The following ZFHX3 variants were observed in gnomAD, a reference collection of about 807,000 sequenced individuals.
ZFHX3 encodes the protein zinc finger homeobox protein 3.
Under a neutral mutation model 279.1 loss-of-function variants are expected in ZFHX3, and 42 were observed. The observed-to-expected ratio is 0.15, with a 90% confidence interval of 0.12 to 0.19. The LOEUF (loss-of-function observed/expected upper bound fraction) is 0.19, where lower values mean the gene tolerates loss of function less well. ZFHX3 is among the 10% of genes least tolerant of loss of function. The probability of loss-of-function intolerance (pLI) is 1.00; values close to 1 mark genes in which losing one functional copy is unlikely to be tolerated. For missense variants in ZFHX3, 4,981 were observed against 4,754.0 expected, an observed-to-expected ratio of 1.05 and a Z score of -1.40; for synonymous variants, 2,293 against 1,957.8, an observed-to-expected ratio of 1.17 and a Z score of -4.52.
chr16:73,019,238 C>T (rs145332073), intron 1 of ZFHX3, among the ~76,000 whole-genome samples: 15 of 152,298 alleles, frequency 9.8e-5, no homozygotes, highest in African/African-American at 3.4e-4. Flanking sequence ...GGACGTGAGC[C>T]TCACTCCCAC....
intron 2 of ZFHX3, among the ~76,000 whole-genome samples, chr16:73,623,529 G>A (rs951928363): frequency 6.6e-6 from 1 of 152,112 alleles, no homozygotes; most frequent in Admixed American, 6.5e-5. Flanking sequence ...TAAAATTCCA[G>A]AAAAATACAT....
chr16:73,713,032 TG>T (rs1311618247), intron 1 of ZFHX3, among the ~76,000 whole-genome samples: 4 of 152,222 alleles, frequency 2.6e-5, no homozygotes, highest in African/African-American at 9.6e-5. Flanking sequence ...TCTCCAGCTC[TG>T]GAACCTGGAG....
chr16:72,787,036 T>TTTG lies in ZFHX3; in HGVS notation c.*127_*128insCAA. On this transcript the variant is annotated 3_prime_UTR_variant, in exon 10 of 10. Coordinates refer to ENST00000268489, the MANE Select transcript of ZFHX3 (RefSeq NM_006885.4). ...AAAACAACCCACGCTTTTTCTTTTT[T>TTTG]TTCTTTTTTTTTTTTTTTTTGTTTT... 1 of 1,112,846 alleles carries TTTG rather than the reference T, an allele frequency of 9.0e-7. No homozygotes were observed. The highest frequency in any genetic ancestry group is 1.2e-6 in the Non-Finnish European group (1 of 862,138). The allele number at this position is 1,112,846 out of a possible 1,614,324, so 68.9% of individuals were successfully genotyped here. A position where few individuals can be genotyped will look rare whatever the true frequency, so the allele number is the denominator to read the frequency against.
At chr16:73,060,365 T>C (rs374833386), upstream of ZFHX3, 81 of 152,244 alleles carry the variant, frequency 5.3e-4, 2 homozygotes, top group East Asian at 0.015. Context: ...AGGAGATCCC[T>C]GGAATCAAAG....
intron 2 of ZFHX3, among the ~76,000 whole-genome samples, chr16:73,525,921 G>T (rs138936423): frequency 6.6e-6 from 1 of 152,124 alleles, no homozygotes; most frequent in African/African-American, 2.4e-5. Context: ...CCAGACACAC[G>T]ATTTACCCCA....
At chr16:73,389,857 C>A (rs1455976973) in intron 3 of ZFHX3, among the ~76,000 whole-genome samples, 1 of 152,086 alleles carries the variant, frequency 6.6e-6, no homozygotes, top group South Asian at 2.1e-4. Context: ...GTCAGGAGTT[C>A]GAGACCAGCC....
At chr16:73,460,524 G>C (rs1381861399) in intron 2 of ZFHX3, among the ~76,000 whole-genome samples, 1 of 152,098 alleles carries the variant, frequency 6.6e-6, no homozygotes, top group African/African-American at 2.4e-5. Context: ...GTAATTGCTT[G>C]TTGTTGTTGT....
At position 73,719,966 on chromosome 16, in the gene ZFHX3, C is replaced by T. The variant is rs535970829; in HGVS notation, c.-1607-39726G>A. ...TCACGGCTATCTTCCACTACAAGAACAGTACTTGTTACCTACAAGCCATGT... is the reference window on the plus strand; with the variant it reads ...TCACGGCTATCTTCCACTACAAGAATAGTACTTGTTACCTACAAGCCATGT... On this transcript the variant is annotated intron_variant, in intron 1 of 17. Coordinates refer to the ZFHX3 transcript ENST00000641206. Among the ~76,000 whole-genome samples, 3 of 152,308 alleles carry T rather than the reference C, an allele frequency of 2.0e-5. No individual in the cohort carries two copies. In the South Asian group the frequency reaches 6.2e-4, roughly 32 times the overall value.
chr16:73,372,475 G>T (rs1373639897), intron 3 of ZFHX3, among the ~76,000 whole-genome samples: 2 of 152,064 alleles, frequency 1.3e-5, no homozygotes, highest in African/African-American at 4.8e-5. Flanking sequence ...AAGAATTAAT[G>T]GGTAAATAAT....
chr16:73,053,154 TTTTCCTCTTTCC>T (rs1965480091), intron 1 of ZFHX3, among the ~76,000 whole-genome samples: 1 of 152,200 alleles, frequency 6.6e-6, no homozygotes, highest in African/African-American at 2.4e-5. Context: ...TGCAGTCAGA[TTTTCCTCTTTCC>T]TTTCCTCATC....
chr16:73,618,735 T>A (rs1444956993), intron 2 of ZFHX3, among the ~76,000 whole-genome samples: 1 of 152,206 alleles, frequency 6.6e-6, no homozygotes, highest in Non-Finnish European at 1.5e-5. Flanking sequence ...TCTTTGAAGG[T>A]GAAGCAGTGC....
intron 3 of ZFHX3, among the ~76,000 whole-genome samples, chr16:72,920,164 C>A (rs1431369406): frequency 6.6e-6 from 1 of 151,942 alleles, no homozygotes; most frequent in Non-Finnish European, 1.5e-5. Flanking sequence ...ACTAGTCCAA[C>A]TGAAGAATTT....
At chr16:72,864,892 T>C (rs1459646100) in intron 4 of ZFHX3, among the ~76,000 whole-genome samples, 3 of 152,224 alleles carry the variant, frequency 2.0e-5, no homozygotes, top group Non-Finnish European at 4.4e-5. Context: ...TGAGCCGTGA[T>C]GATGCCACCT....
At chr16:73,470,414 G>C (rs2018646502) in intron 2 of ZFHX3, among the ~76,000 whole-genome samples, 1 of 152,138 alleles carries the variant, frequency 6.6e-6, no homozygotes, top group Non-Finnish European at 1.5e-5. Flanking sequence ...CTAAACCGTT[G>C]ATCTAGAGTG....
chr16:73,389,507 G>C (rs2016968471), intron 3 of ZFHX3, among the ~76,000 whole-genome samples: 1 of 152,180 alleles, frequency 6.6e-6, no homozygotes, highest in Non-Finnish European at 1.5e-5. Flanking sequence ...CATGTAATTA[G>C]AAGGCGTATT....
intron 3 of ZFHX3, among the ~76,000 whole-genome samples, chr16:72,934,020 G>A (rs535342317): frequency 6.6e-6 from 1 of 152,028 alleles, no homozygotes; most frequent in East Asian, 1.9e-4. Flanking sequence ...GGGTTTCACC[G>A]TGTTAGCCAG....
chr16:73,787,837 G>A (rs13330531), intron 1 of ZFHX3, among the ~76,000 whole-genome samples: 1 of 150,058 alleles, frequency 6.7e-6, no homozygotes, highest in East Asian at 2.0e-4. Context: ...GTGTGTGTGT[G>A]TGTGTGTGTG....
At chr16:73,582,031 C>T (rs1028771661) in intron 2 of ZFHX3, among the ~76,000 whole-genome samples, 2 of 151,966 alleles carry the variant, frequency 1.3e-5, no homozygotes, top group East Asian at 1.9e-4. Context: ...GCTTCCCCTT[C>T]CTTTCAAGTT....
chr16:73,149,990 C>T (rs1476233944), intron 5 of ZFHX3, among the ~76,000 whole-genome samples: 1 of 152,100 alleles, frequency 6.6e-6, no homozygotes, highest in Non-Finnish European at 1.5e-5. Context: ...TTTGTTATCC[C>T]TAAGTTTTCA....
Sources: gnomAD v4.1 joint callset for allele counts (sites outside exome capture counted in the v4.1 genomes callset) on GRCh38, gnomAD v4.1.1 for gene constraint, MANE v1.5 for transcripts, NCBI Gene and HGNC (gene_info 2026-07-23, HGNC 2026-07-21) for gene names.